GLRA3: variants seen among roughly 807,000 people sequenced by gnomAD.
GLRA3 encodes the protein glycine receptor subunit alpha-3.
GLRA3 carries 44 observed loss-of-function variants against 60.4 expected under a neutral mutation model. That is an observed-to-expected ratio of 0.73 (90% CI 0.57 to 0.94). The LOEUF is 0.94. GLRA3 is among the 40% of genes least tolerant of loss of function. The pLI is 0.00. For synonymous variants in GLRA3, 223 were observed against 192.9 expected (o/e 1.16, Z -1.29); for missense variants, 508 against 564.6 (o/e 0.90, Z 1.02).
chr4:174,712,519 A>G (rs1735752199), intron 5 of GLRA3: 1 of 152,176 alleles, frequency 6.6e-6, no homozygotes, highest in Admixed American at 6.5e-5. Context: ...AGTTTTGACC[A>G]TTGACATATA....
intron 5 of GLRA3, among the ~76,000 whole-genome samples, chr4:174,692,191 C>CTG (rs1734854388): frequency 6.6e-6 from 1 of 151,322 alleles, no homozygotes; most frequent in Admixed American, 6.6e-5. Flanking sequence ...AGCGTCTCCA[C>CTG]CCAGCAGCCA....
intron 9 of GLRA3, among the ~76,000 whole-genome samples, chr4:174,646,975 G>GA (rs1397419769): frequency 6.6e-6 from 1 of 152,208 alleles, no homozygotes; most frequent in Non-Finnish European, 1.5e-5. Context: ...AAGTGCTACA[G>GA]AAAATAACAT....
intron 3 of GLRA3, among the ~76,000 whole-genome samples, chr4:174,742,337 G>A (rs1737061579): frequency 6.6e-6 from 1 of 152,096 alleles, no homozygotes; most frequent in Non-Finnish European, 1.5e-5. Flanking sequence ...GAACACTAAA[G>A]CTTGCTTTGA....
At chr4:174,714,116 T>G (rs1167320009) in intron 5 of GLRA3, among the ~76,000 whole-genome samples, 1 of 152,296 alleles carries the variant, frequency 6.6e-6, no homozygotes, top group Non-Finnish European at 1.5e-5. Flanking sequence ...TTCTGGAAAA[T>G]TATGAAAACT....
At chr4:174,682,728 C>A in intron 6 of GLRA3, 74 bp downstream of exon 6, 1 of 1,071,062 alleles carries the variant, frequency 9.3e-7, no homozygotes, top group Non-Finnish European at 1.4e-6. Flanking sequence ...AATAACTTAG[C>A]ATTATAATGA....
intron 7 of GLRA3, among the ~76,000 whole-genome samples, chr4:174,671,369 C>T (rs1398418441): frequency 6.6e-6 from 1 of 152,018 alleles, no homozygotes; most frequent in Non-Finnish European, 1.5e-5. Context: ...AATGTACTCT[C>T]CTTTAAAATT....
At chr4:174,660,958 T>C (rs1208773512) in intron 7 of GLRA3, among the ~76,000 whole-genome samples, 1 of 152,228 alleles carries the variant, frequency 6.6e-6, no homozygotes, top group Non-Finnish European at 1.5e-5. Flanking sequence ...GCCCTCATTA[T>C]TTGAGCATTT....
intron 1 of GLRA3, among the ~76,000 whole-genome samples, chr4:174,804,807 T>C (rs56226175): frequency 0.086 from 13,073 of 152,196 alleles, 632 homozygotes; most frequent in South Asian, 0.11. Flanking sequence ...GATGGGGTGG[T>C]GTCTGCTTTA....
At chr4:174,787,097 C>G (rs543525153) in intron 2 of GLRA3, among the ~76,000 whole-genome samples, 2 of 152,062 alleles carry the variant, frequency 1.3e-5, no homozygotes, top group South Asian at 4.2e-4. Flanking sequence ...ATCTTTTAAA[C>G]TATTAAAAAA....
At chr4:174,811,736 T>G (rs1482268654) in intron 1 of GLRA3, among the ~76,000 whole-genome samples, 1 of 152,200 alleles carries the variant, frequency 6.6e-6, no homozygotes, top group Admixed American at 6.5e-5. Context: ...TTTGCTGTAA[T>G]TTCTATAGTC....
rs115563552 is a variant in GLRA3, at chr4:174,806,440, A to G, written c.72-17497T>C. Among the ~76,000 whole-genome samples the G allele has an allele frequency of 2.6e-3, 391 of 152,228 alleles. 2 individuals carry two copies. The highest frequency in any genetic ancestry group is 8.9e-3 in the African/African-American group (369 of 41,572). On this transcript the variant is annotated intron_variant, in intron 1 of 9. Coordinates refer to ENST00000274093, the MANE Select transcript of GLRA3 (RefSeq NM_006529.4). ...TTTGTTCCCCCATATTGTATTTCAT[A>G]TACATAAAAGTTAGCCCTCTGTATC... is the stretch of plus-strand genomic sequence containing the variant.
intron 2 of GLRA3, among the ~76,000 whole-genome samples, chr4:174,771,033 G>A (rs989175292): frequency 3.5e-5 from 5 of 141,916 alleles, no homozygotes; most frequent in African/African-American, 1.0e-4. Context: ...ACTGAACAAT[G>A]AGAACACATG....
rs1040664731 is a variant in GLRA3 at position 174,642,872 on chromosome 4, T to C, written c.*914A>G. ...TCAAAATGTAAATACTTTAATCCCA[T>C]TGAATTTTAAAGTCACATTCTAAAC... On this transcript the variant is annotated 3_prime_UTR_variant, in exon 10 of 10. Transcript: ENST00000274093. 8.4e-6 allele frequency: 6 copies of C among 713,850 alleles called. No individual in the cohort carries two copies. The highest frequency in any genetic ancestry group is 6.0e-5 in the African/African-American group (3 of 50,356). 44.2% of individuals were successfully genotyped at this position (713,850 alleles called of 1,614,324 possible).
intron 3 of GLRA3, among the ~76,000 whole-genome samples, chr4:174,763,444 C>A (rs913224549): frequency 6.6e-6 from 1 of 152,176 alleles, no homozygotes; most frequent in Non-Finnish European, 1.5e-5. Context: ...ACCAATAAAA[C>A]CCCAATCTTT....
Position 174,641,464 on chromosome 4 carries a change from T to G in GLRA3, c.*2322A>C, listed in dbSNP as rs932136148. On this transcript the variant is annotated 3_prime_UTR_variant, in exon 10 of 10. Transcript: ENST00000274093. ...CATGCACCTTGTCACTGTTGCCTTG[T>G]GAGTGAAAGCTGTTAAAGTATTTTC... 12 of 152,056 alleles carry G rather than the reference T, an allele frequency of 7.9e-5. No homozygotes were observed. Among genetic ancestry groups the G allele is most frequent in the Non-Finnish European group, 1.8e-4 (12 of 67,954 alleles). 9.4% of individuals were successfully genotyped at this position (152,056 alleles called of 1,614,324 possible).
chr4:174,728,686 T>G lies in GLRA3; in HGVS notation c.280A>C (p.Asn94His). 6.3e-7 allele frequency: 1 copy of G among 1,579,296 alleles called. No individual in the cohort carries two copies. Among genetic ancestry groups the G allele is most frequent in the Non-Finnish European group, 8.7e-7 (1 of 1,150,424 alleles). Residue 94 changes from asparagine to histidine, a missense_variant, in exon 4 of 10, where the codon AAT becomes CAT. Coordinates refer to ENST00000274093, the MANE Select transcript of GLRA3 (RefSeq NM_006529.4). ...IAETTMDYRV[N>H]IFLRQKWNDP... ...TTCCATTTCTGACGAAGAAAGATAT[T>G]CACTCTGTAATCCTATGATAAAATA...
At position 174,681,156 on chromosome 4, in the gene GLRA3, A is replaced by G. The variant is rs78928358; in HGVS notation, c.712+1646T>C. On this transcript the variant is annotated intron_variant, in intron 6 of 9. Coordinates refer to ENST00000274093, the MANE Select transcript of GLRA3 (RefSeq NM_006529.4). ...CCAAGATGTCCCATTCCTTGCTTAT[A>G]GTAGGCATTCATAAATGTAAGTTCT... Among the ~76,000 whole-genome samples, 693 of 152,336 alleles carry G rather than the reference A, an allele frequency of 4.5e-3. 2 individuals carry two copies. Among genetic ancestry groups the G allele is most frequent in the African/African-American group, 0.016 (667 of 41,580 alleles).
intron 5 of GLRA3, among the ~76,000 whole-genome samples, chr4:174,691,809 G>T (rs1273805141): frequency 6.6e-6 from 1 of 152,024 alleles, no homozygotes; most frequent in South Asian, 2.1e-4. Context: ...CTGCCCGGCC[G>T]CCACCCCATC....
intron 4 of GLRA3, among the ~76,000 whole-genome samples, chr4:174,724,135 T>C (rs1236191753): frequency 6.6e-6 from 1 of 151,678 alleles, no homozygotes; most frequent in Non-Finnish European, 1.5e-5. Flanking sequence ...AAATATATCA[T>C]GTAGGCTTAC....
Sources: gnomAD v4.1 joint callset for allele counts (sites outside exome capture counted in the v4.1 genomes callset) on GRCh38, gnomAD v4.1.1 for gene constraint, MANE v1.5 for transcripts, NCBI Gene and HGNC (gene_info 2026-07-23, HGNC 2026-07-21) for gene names.